Variants in PTAR1 observed in about 807,000 individuals in gnomAD.
PTAR1 encodes protein prenyltransferase alpha subunit repeat containing 1.
PTAR1 carries 17 observed loss-of-function variants against 45.5 expected under a neutral mutation model. The observed-to-expected ratio is 0.37, with a 90% CI of 0.26 to 0.56. The LOEUF (loss-of-function observed/expected upper bound fraction) is 0.56, where lower values mean the gene tolerates loss of function less well. Ranked by LOEUF, PTAR1 falls within the 20% of genes least tolerant of loss-of-function variation. The pLI is 0.77. For synonymous variants in PTAR1, 169 were observed against 171.3 expected, an observed-to-expected ratio of 0.99 and a Z score of 0.11; for missense variants, 391 against 476.3, an observed-to-expected ratio of 0.82 and a Z score of 1.67.
At chr9:69,759,282 T>C (rs1455079388) in intron 1 of PTAR1, among the ~76,000 whole-genome samples, 1 of 102,386 alleles carries the variant, frequency 9.8e-6, no homozygotes, top group African/African-American at 3.4e-5. Context: ...AAGCTTCTCT[T>C]GAGAATGTTC....
chr9:69,756,207 C>A (rs192777628), intron 1 of PTAR1, among the ~76,000 whole-genome samples: 2 of 152,270 alleles, frequency 1.3e-5, no homozygotes, highest in East Asian at 1.9e-4. Flanking sequence ...TTCACTGGTG[C>A]CTACCCATTG....
intron 2 of PTAR1, among the ~76,000 whole-genome samples, chr9:69,745,253 C>T (rs1804321003): frequency 1.3e-5 from 2 of 152,104 alleles, no homozygotes; most frequent in Non-Finnish European, 2.9e-5. Context: ...GCAGCAATAA[C>T]AAAAAACCCC....
In PTAR1 at chr9:69,714,004, A is replaced by T. The variant is rs961321140; in HGVS notation, c.*4338T>A. ...TTGCTCCCAAAAAAGTAAGAAAGGC[A>T]CTCGAATTAACACAGTCTCTACAGT... On this transcript the variant is annotated 3_prime_UTR_variant, in exon 8 of 8. Coordinates refer to ENST00000340434, the MANE Select transcript of PTAR1 (RefSeq NM_001099666.2). 6.6e-6 allele frequency: 1 copy of T among 152,114 alleles called. No homozygotes were observed. Among genetic ancestry groups the T allele is most frequent in the Non-Finnish European group, 1.5e-5 (1 of 68,012 alleles). 9.4% of individuals were successfully genotyped at this position (152,114 alleles called of 1,614,324 possible).
chr9:69,730,898 A>C (rs1346820816), intron 5 of PTAR1, among the ~76,000 whole-genome samples: 1 of 152,148 alleles, frequency 6.6e-6, no homozygotes, highest in Non-Finnish European at 1.5e-5. Context: ...TTAGATGCCC[A>C]GTAATTTACA....
intron 6 of PTAR1, among the ~76,000 whole-genome samples, chr9:69,722,775 C>T (rs11139992): frequency 0.4 from 61,065 of 151,284 alleles, 12,684 homozygotes; most frequent in East Asian, 0.48. Context: ...TCCGTCTCTA[C>T]TAAAAACACA....
In PTAR1 at chr9:69,716,175, T is replaced by C. The variant is rs958900088; in HGVS notation, c.*2167A>G. 13 of 152,148 alleles carry C rather than the reference T, an allele frequency of 8.5e-5. No homozygotes were observed. Among genetic ancestry groups the C allele is most frequent in the African/African-American group, 3.1e-4 (13 of 41,452 alleles). The allele number at this position is 152,148 out of a possible 1,614,324, so 9.4% of individuals were successfully genotyped here. A position where few individuals can be genotyped will look rare whatever the true frequency, so the allele number is the denominator to read the frequency against. ...TGATTTTTAGGAAAAAAGGTAATAC[T>C]GAGTTAGGCCAGAATCTGGCAACAT... On this transcript the variant is annotated 3_prime_UTR_variant, in exon 8 of 8. Transcript: ENST00000340434.
chr9:69,723,881 T>C (rs756332416), intron 5 of PTAR1, among the ~76,000 whole-genome samples: 2 of 152,168 alleles, frequency 1.3e-5, no homozygotes, highest in Non-Finnish European at 2.9e-5. Flanking sequence ...TTGTCATCCT[T>C]TCCCTAGACC....
In PTAR1 at chr9:69,712,397, T is replaced by A. The variant is rs1168396563; in HGVS notation, c.*5945A>T. On this transcript the variant is annotated 3_prime_UTR_variant, in exon 8 of 8. Coordinates refer to ENST00000340434, the MANE Select transcript of PTAR1 (RefSeq NM_001099666.2). The stretch of plus-strand genomic sequence containing the variant: ...AAACTGCTTTAAGTAGGAGCACTTT[T>A]AGCATACACAAAAATAAAAATCCTT... 6.6e-6 allele frequency: 1 copy of A among 152,174 alleles called. No individual in the cohort carries two copies. The highest frequency in any genetic ancestry group is 1.5e-5 in the Non-Finnish European group (1 of 68,012). The allele number at this position is 152,174 out of a possible 1,614,324, so 9.4% of individuals were successfully genotyped here. A position where few individuals can be genotyped will look rare whatever the true frequency, so the allele number is the denominator to read the frequency against.
intron 1 of PTAR1, 144 bp downstream of exon 1, chr9:69,759,709 G>A (rs1459069037): frequency 1.9e-5 from 14 of 736,208 alleles, no homozygotes; most frequent in South Asian, 2.4e-5. Flanking sequence ...CAACGGTCCC[G>A]CCCGACACGG....
chr9:69,730,008 TA>T (rs1825461287), intron 5 of PTAR1, among the ~76,000 whole-genome samples: 1 of 152,184 alleles, frequency 6.6e-6, no homozygotes, highest in Non-Finnish European at 1.5e-5. Context: ...ATTTCATATA[TA>T]TTTTTAAGCT....
intron 2 of PTAR1, among the ~76,000 whole-genome samples, chr9:69,746,033 C>G (rs143945973): frequency 2.7e-3 from 412 of 152,284 alleles, no homozygotes; most frequent in Middle Eastern, 6.8e-3. Context: ...TCGGTGGTAC[C>G]TAGTAACATA....
chr9:69,759,988 G>T lies in PTAR1; in HGVS notation c.-50C>A, dbSNP rs754096305. On this transcript the variant is annotated 5_prime_UTR_variant, in exon 1 of 8. Coordinates refer to ENST00000340434, the MANE Select transcript of PTAR1 (RefSeq NM_001099666.2). ...GGCGCGCCTCCGCGTGAGCCGGGCC[G>T]CCGGCGGGAGTTCCGCGGAGAACGA... The T allele has an allele frequency of 1.4e-5, 19 of 1,393,414 alleles. No individual in the cohort carries two copies. The highest frequency in any genetic ancestry group is 2.9e-5 in the Admixed American group (1 of 35,030). 86.3% of individuals were successfully genotyped at this position (1,393,414 alleles called of 1,614,324 possible).
At chr9:69,755,523 C>T (rs1256671503) in intron 1 of PTAR1, among the ~76,000 whole-genome samples, 2 of 152,156 alleles carry the variant, frequency 1.3e-5, no homozygotes, top group South Asian at 4.1e-4. Context: ...GGATGGTACC[C>T]AAATACTCAA....
intron 3 of PTAR1, among the ~76,000 whole-genome samples, chr9:69,735,374 C>T (rs1825738687): frequency 6.6e-6 from 1 of 152,092 alleles, no homozygotes; most frequent in Non-Finnish European, 1.5e-5. Flanking sequence ...ACTTATAATA[C>T]CTAATACAAT....
Position 69,732,081 on chromosome 9 carries a change from T to C in PTAR1, c.642+58A>G, listed in dbSNP as rs1588458322. On this transcript the variant is annotated intron_variant, in intron 5 of 7. Transcript: ENST00000340434. The stretch of plus-strand genomic sequence containing the variant: ...CAAAGCTCTTCTGAGAATGAACTAC[T>C]ACCAGAAGATTTTAAGGGCAGACAG... 5.6e-6 allele frequency: 7 copies of C among 1,249,436 alleles called. No homozygotes were observed. The East Asian group carries it at 1.2e-4, about 21-fold the overall frequency. The allele number at this position is 1,249,436 out of a possible 1,614,324, so 77.4% of individuals were successfully genotyped here.
intron 3 of PTAR1, among the ~76,000 whole-genome samples, chr9:69,739,970 T>A (rs1294370757): frequency 6.6e-6 from 1 of 152,190 alleles, no homozygotes; most frequent in Admixed American, 6.5e-5. Context: ...CATATTTTTT[T>A]AAAAGTTTAA....
At chr9:69,718,837 A>G (rs1824847820) in intron 6 of PTAR1, among the ~76,000 whole-genome samples, 153 bp from the exon 7 acceptor site, 1 of 152,174 alleles carries the variant, frequency 6.6e-6, no homozygotes, top group African/African-American at 2.4e-5. Context: ...GAAAAACAGT[A>G]GAGATGATGT....
chr9:69,728,464 A>G (rs1385918229), intron 5 of PTAR1, among the ~76,000 whole-genome samples: 1 of 152,216 alleles, frequency 6.6e-6, no homozygotes, highest in Non-Finnish European at 1.5e-5. Flanking sequence ...CCAGCCATAA[A>G]TAAGAGTTTC....
At chr9:69,725,147 G>C (rs1825207741) in intron 5 of PTAR1, among the ~76,000 whole-genome samples, 1 of 151,972 alleles carries the variant, frequency 6.6e-6, no homozygotes, top group Middle Eastern at 3.2e-3. Flanking sequence ...ATTTTGGCAT[G>C]GCTTCTTAAC....
Sources: gnomAD v4.1 joint callset for allele counts (sites outside exome capture counted in the v4.1 genomes callset) on GRCh38, gnomAD v4.1.1 for gene constraint, MANE v1.5 for transcripts, NCBI Gene and HGNC (gene_info 2026-07-23, HGNC 2026-07-21) for gene names.